Variants in GPC5 observed in about 807,000 individuals in gnomAD.
GPC5 encodes the protein glypican-5.
Under a neutral mutation model 53.9 loss-of-function variants are expected in GPC5, and 47 were observed. The observed-to-expected ratio is 0.87, with a 90% CI of 0.69 to 1.11. The LOEUF (loss-of-function observed/expected upper bound fraction) is 1.11, where lower values mean the gene tolerates loss of function less well. GPC5 is among the 50% of genes most tolerant of loss of function. The pLI is 0.00. For synonymous variants in GPC5, 286 were observed against 263.3 expected (o/e 1.09, Z -0.84); for missense variants, 748 against 713.1 (o/e 1.05, Z -0.56).
chr13:92,294,813 CTTTTTTTTTTTTCT>C (rs900980993), intron 7 of GPC5, among the ~76,000 whole-genome samples: 12 of 103,980 alleles, frequency 1.2e-4, no homozygotes, highest in African/African-American at 3.2e-4. Context: ...CTGTTTCTTT[CTTTTTTTTTTTTCT>C]TTTTTTTTTT....
chr13:92,626,422 A>G (rs1050839466), intron 7 of GPC5, among the ~76,000 whole-genome samples: 2 of 152,124 alleles, frequency 1.3e-5, no homozygotes, highest in Non-Finnish European at 2.9e-5. Flanking sequence ...GAGGGCACTC[A>G]TGTGCTATGA....
intron 6 of GPC5, among the ~76,000 whole-genome samples, chr13:92,076,975 A>G (rs976713223): frequency 8.5e-5 from 13 of 152,144 alleles, no homozygotes; most frequent in Non-Finnish European, 1.3e-4. Context: ...GGTATCCACA[A>G]TCTTTTAGCT....
chr13:92,787,814 C>T (rs1237184743), intron 7 of GPC5, among the ~76,000 whole-genome samples: 1 of 149,178 alleles, frequency 6.7e-6, no homozygotes, highest in Non-Finnish European at 1.5e-5. Context: ...GAGTTTGAGG[C>T]TGCAGTGAGC....
chr13:92,557,751 G>T (rs896014384), intron 7 of GPC5, among the ~76,000 whole-genome samples: 2 of 151,774 alleles, frequency 1.3e-5, no homozygotes, highest in African/African-American at 4.8e-5. Flanking sequence ...ATTGTAAATT[G>T]GCTCAGGAAT....
At chr13:92,298,029 C>T (rs981350207) in intron 7 of GPC5, among the ~76,000 whole-genome samples, 1 of 152,070 alleles carries the variant, frequency 6.6e-6, no homozygotes, top group African/African-American at 2.4e-5. Context: ...AGACCAAGAA[C>T]CCACCAATTC....
At chr13:92,443,596 G>A (rs1202944494) in intron 7 of GPC5, among the ~76,000 whole-genome samples, 1 of 152,096 alleles carries the variant, frequency 6.6e-6, no homozygotes, top group Non-Finnish European at 1.5e-5. Flanking sequence ...TTGAAGATAA[G>A]GAATAAAAAT....
intron 5 of GPC5, among the ~76,000 whole-genome samples, chr13:91,813,184 C>T (rs1031338243): frequency 5.3e-5 from 8 of 152,128 alleles, no homozygotes; most frequent in African/African-American, 1.9e-4. Flanking sequence ...GCTTTTTTGA[C>T]ACATATAAAA....
chr13:91,989,469 AT>A (rs1317878707), intron 6 of GPC5, among the ~76,000 whole-genome samples: 1 of 152,192 alleles, frequency 6.6e-6, no homozygotes, highest in Non-Finnish European at 1.5e-5. Context: ...TTACAAATGA[AT>A]GGCTCTTTAA....
intron 5 of GPC5, among the ~76,000 whole-genome samples, chr13:91,855,043 T>C (rs369730599): frequency 4.0e-5 from 6 of 151,858 alleles, no homozygotes; most frequent in African/African-American, 1.4e-4. Context: ...TTGATGGTAA[T>C]TAAATTGAAG....
At chr13:91,971,124 A>G (rs1315827405) in intron 6 of GPC5, among the ~76,000 whole-genome samples, 1 of 152,180 alleles carries the variant, frequency 6.6e-6, no homozygotes, top group Non-Finnish European at 1.5e-5. Flanking sequence ...TAGACTATTG[A>G]TTATTCCCAC....
chr13:92,625,923 C>T (rs1885031955), intron 7 of GPC5, among the ~76,000 whole-genome samples: 1 of 152,144 alleles, frequency 6.6e-6, no homozygotes, highest in Non-Finnish European at 1.5e-5. Context: ...TCTCCTTGTT[C>T]ATTGTGTCCT....
At chr13:92,740,867 T>C (rs894218359) in intron 7 of GPC5, among the ~76,000 whole-genome samples, 4 of 137,734 alleles carry the variant, frequency 2.9e-5, no homozygotes, top group African/African-American at 1.1e-4. Context: ...TAACAAATTA[T>C]ATTTATGTAT....
rs145679389 is a variant in GPC5 at position 92,139,129 on chromosome 13, C to G, written c.1402-5701C>G. ...TAAATTGTTTTAAAAACTTAGAAGTCTCCAGGTACTCAGGAATAAGGTCAT... is the reference window on the plus strand; with the variant it reads ...TAAATTGTTTTAAAAACTTAGAAGTGTCCAGGTACTCAGGAATAAGGTCAT... On this transcript the variant is annotated intron_variant, in intron 6 of 7. Coordinates refer to ENST00000377067, the MANE Select transcript of GPC5 (RefSeq NM_004466.6). Among the ~76,000 whole-genome samples the G allele has an allele frequency of 6.8e-3, 1,028 of 152,224 alleles. 10 individuals are homozygous for G. The highest frequency in any genetic ancestry group is 0.024 in the African/African-American group (980 of 41,528).
intron 2 of GPC5, among the ~76,000 whole-genome samples, chr13:91,620,146 C>T (rs536346224): frequency 3.9e-5 from 6 of 152,104 alleles, no homozygotes; most frequent in Admixed American, 6.6e-5. Context: ...CTTCTACCTT[C>T]TAGCCCAAAT....
At chr13:92,282,885 C>T (rs1444761348) in intron 7 of GPC5, among the ~76,000 whole-genome samples, 1 of 152,170 alleles carries the variant, frequency 6.6e-6, no homozygotes, top group African/African-American at 2.4e-5. Flanking sequence ...CAAATTCACA[C>T]ATAACAATAT....
intron 6 of GPC5, among the ~76,000 whole-genome samples, chr13:92,040,265 C>A (rs935028351): frequency 2.0e-5 from 3 of 152,158 alleles, no homozygotes; most frequent in African/African-American, 7.2e-5. Context: ...CTCTGGTTTC[C>A]TCTCTCAGCC....
At chr13:92,282,645 C>T (rs373817884) in intron 7 of GPC5, among the ~76,000 whole-genome samples, 3 of 152,062 alleles carry the variant, frequency 2.0e-5, no homozygotes, top group African/African-American at 7.3e-5. Flanking sequence ...CCAAACTAAG[C>T]TTCATAAGTG....
chr13:92,430,326 T>G (rs2139373139), intron 7 of GPC5, among the ~76,000 whole-genome samples: 1 of 152,302 alleles, frequency 6.6e-6, no homozygotes, highest in Non-Finnish European at 1.5e-5. Context: ...ATTTATCAGC[T>G]ATTTATTTGT....
At chr13:92,247,311 T>C (rs1033422265) in intron 7 of GPC5, among the ~76,000 whole-genome samples, 26 of 152,126 alleles carry the variant, frequency 1.7e-4, no homozygotes, top group African/African-American at 4.8e-4. Flanking sequence ...GAAGAAGGTA[T>C]TAATTGAGAC....
Sources: gnomAD v4.1 joint callset for allele counts (sites outside exome capture counted in the v4.1 genomes callset) on GRCh38, gnomAD v4.1.1 for gene constraint, MANE v1.5 for transcripts, NCBI Gene and HGNC (gene_info 2026-07-23, HGNC 2026-07-21) for gene names.